ATXN1: variants seen among roughly 807,000 people sequenced by gnomAD.
ATXN1 encodes ataxin 1.
In ATXN1, 8 loss-of-function variants were observed where a neutral mutation model predicts 56.4. That is an observed-to-expected ratio of 0.14 (90% CI 0.08 to 0.26). The LOEUF is 0.26. Among genes scored for constraint, ATXN1 ranks in the 10% least tolerant of loss-of-function variants. The pLI is 1.00. For synonymous variants in ATXN1, 514 were observed against 494.6 expected (o/e 1.04, Z -0.52); for missense variants, 987 against 1,106.5 (o/e 0.89, Z 1.53).
chr6:16,486,880 C>T (rs1157845226), intron 5 of ATXN1, among the ~76,000 whole-genome samples: 26 of 150,580 alleles, frequency 1.7e-4, no homozygotes, highest in Non-Finnish European at 3.0e-5. Context: ...TGGCTGTCTG[C>T]CATTTCCGCC....
Position 16,706,916 on chromosome 6 carries a change from C to T in ATXN1, c.-615+46317G>A, listed in dbSNP as rs536032563. On this transcript the variant is annotated intron_variant, in intron 2 of 7. Coordinates refer to ENST00000436367, the MANE Select transcript of ATXN1 (RefSeq NM_001128164.2). The stretch of plus-strand genomic sequence containing the variant: ...CTTCACTTTATCACCTCCCGCTAGA[C>T]GAGCTTCTACAGTTTTCCTAACAGC... Among the ~76,000 whole-genome samples the T allele has an allele frequency of 7.2e-5, 11 of 152,240 alleles. No homozygotes were observed. The South Asian group carries it at 8.3e-4, about 11-fold the overall frequency.
At chr6:16,469,517 C>A (rs9477137) in intron 6 of ATXN1, among the ~76,000 whole-genome samples, 2,234 of 152,288 alleles carry the variant, frequency 0.015, 48 homozygotes, top group African/African-American at 0.048. Flanking sequence ...CTATTAGTAG[C>A]ATTTCAGGCC....
chr6:16,520,263 G>A (rs1761261585), intron 5 of ATXN1, among the ~76,000 whole-genome samples: 1 of 152,332 alleles, frequency 6.6e-6, no homozygotes, highest in Admixed American at 6.5e-5. Context: ...ATATATGCAT[G>A]TGGGGGCCAG....
At chr6:16,656,236 C>T (rs1758198945) in intron 3 of ATXN1, among the ~76,000 whole-genome samples, 1 of 124,030 alleles carries the variant, frequency 8.1e-6, no homozygotes, top group Non-Finnish European at 1.8e-5. Context: ...TACAATGAGC[C>T]CCTCTGCAAA....
intron 3 of ATXN1, among the ~76,000 whole-genome samples, chr6:16,604,976 T>G (rs1327140081): frequency 1.3e-5 from 2 of 152,246 alleles, no homozygotes; most frequent in African/African-American, 4.8e-5. Context: ...TGAATTATAT[T>G]ACATGCACAT....
At chr6:16,700,982 A>G (rs80317727) in intron 2 of ATXN1, among the ~76,000 whole-genome samples, 3 of 145,582 alleles carry the variant, frequency 2.1e-5, no homozygotes, top group African/African-American at 7.5e-5. Context: ...AAACAAATGG[A>G]AAAAAAAAAA....
intron 3 of ATXN1, among the ~76,000 whole-genome samples, chr6:16,606,237 T>C (rs2113785497): frequency 6.6e-6 from 1 of 152,338 alleles, no homozygotes. Flanking sequence ...GCACAGGACA[T>C]AGGCTCAATC....
rs751584771 is a variant in ATXN1 at position 16,348,467 on chromosome 6, G to A, written c.-160-19997C>T. Among the ~76,000 whole-genome samples, 10 of 152,182 alleles carry A rather than the reference G, an allele frequency of 6.6e-5. No individual in the cohort carries two copies. The East Asian group carries it at 7.7e-4, about 12-fold the overall frequency. On this transcript the variant is annotated intron_variant, in intron 6 of 7. Coordinates refer to ENST00000436367, the MANE Select transcript of ATXN1 (RefSeq NM_001128164.2). ...AATCCCAGCACTTTCAGAGGCCGAG[G>A]GGGGGCAGATCATGTGAGATCCAGA... is the stretch of plus-strand genomic sequence containing the variant.
intron 5 of ATXN1, among the ~76,000 whole-genome samples, chr6:16,497,318 GAAAA>G (rs570573683): frequency 8.1e-6 from 1 of 123,344 alleles, no homozygotes; most frequent in African/African-American, 3.0e-5. Context: ...GATGTAAAAA[GAAAA>G]AAAAAAAAGA....
chr6:16,446,812 ACT>A (rs750199781), intron 6 of ATXN1, among the ~76,000 whole-genome samples: 37 of 152,146 alleles, frequency 2.4e-4, no homozygotes, highest in Non-Finnish European at 5.3e-4. Flanking sequence ...ATCAGACCAT[ACT>A]CTCTACAGTT....
At chr6:16,677,260 T>G (rs1389228334) in intron 2 of ATXN1, among the ~76,000 whole-genome samples, 8 of 152,138 alleles carry the variant, frequency 5.3e-5, no homozygotes, top group African/African-American at 9.7e-5. Context: ...ACACAGGCAT[T>G]AATTACGTGT....
intron 6 of ATXN1, among the ~76,000 whole-genome samples, chr6:16,416,193 T>C (rs1370285749): frequency 2.6e-5 from 4 of 151,932 alleles, no homozygotes; most frequent in African/African-American, 9.7e-5. Context: ...GTAATGTCTA[T>C]GAATTGGAAA....
At chr6:16,528,647 T>G (rs1761439885) in intron 4 of ATXN1, among the ~76,000 whole-genome samples, 1 of 152,228 alleles carries the variant, frequency 6.6e-6, no homozygotes, top group Non-Finnish European at 1.5e-5. Context: ...CTAATTTGTA[T>G]GGACACATTT....
At chr6:16,749,417 T>C (rs1760640990) in intron 2 of ATXN1, among the ~76,000 whole-genome samples, 1 of 152,238 alleles carries the variant, frequency 6.6e-6, no homozygotes, top group African/African-American at 2.4e-5. Context: ...AGATACCGCA[T>C]ACGCTGAATT....
chr6:16,653,558 T>C (rs1177989393), intron 3 of ATXN1, among the ~76,000 whole-genome samples: 5 of 152,192 alleles, frequency 3.3e-5, no homozygotes, highest in African/African-American at 1.2e-4. Flanking sequence ...TCCTCAGATC[T>C]TTCTCCTAGC....
intron 3 of ATXN1, among the ~76,000 whole-genome samples, chr6:16,635,593 C>T (rs1763581371): frequency 6.6e-6 from 1 of 152,138 alleles, no homozygotes; most frequent in African/African-American, 2.4e-5. Context: ...TCCAACTAAA[C>T]CTACACTGCT....
At chr6:16,752,069 G>A (rs996672638) in intron 2 of ATXN1, among the ~76,000 whole-genome samples, 6 of 152,192 alleles carry the variant, frequency 3.9e-5, no homozygotes, top group African/African-American at 1.2e-4. Context: ...TATCTAAGAT[G>A]CCAGAGAATT....
intron 6 of ATXN1, among the ~76,000 whole-genome samples, chr6:16,376,335 A>G (rs1762141037): frequency 6.6e-6 from 1 of 152,236 alleles, no homozygotes; most frequent in Non-Finnish European, 1.5e-5. Context: ...TACCCACAGC[A>G]TATCTGAAAG....
At chr6:16,596,904 G>A (rs1762824884) in intron 3 of ATXN1, among the ~76,000 whole-genome samples, 1 of 152,186 alleles carries the variant, frequency 6.6e-6, no homozygotes, top group South Asian at 2.1e-4. Flanking sequence ...ACAAGCTGAA[G>A]CACACACCCA....
Sources: allele counts gnomAD v4.1 joint callset (sites outside exome capture counted in the v4.1 genomes callset), GRCh38; gene constraint gnomAD v4.1.1; transcripts MANE v1.5; gene names NCBI Gene and HGNC (gene_info 2026-07-23, HGNC 2026-07-21).